Variants in AJAP1 observed in about 807,000 individuals in gnomAD.
The protein encoded by AJAP1 is adherens junctions associated protein 1.
AJAP1 carries 5 observed loss-of-function variants against 35.0 expected under a neutral mutation model. The ratio of observed to expected loss-of-function variants is 0.14; its 90% CI spans 0.07 to 0.30. AJAP1 has a LOEUF of 0.30. Among genes scored for constraint, AJAP1 ranks in the 10% least tolerant of loss-of-function variants. The pLI is 1.00. For synonymous variants in AJAP1, 284 were observed against 249.3 expected (o/e 1.14, Z -1.31); for missense variants, 586 against 571.0 (o/e 1.03, Z -0.27).
intron 1 of AJAP1, among the ~76,000 whole-genome samples, chr1:4,698,987 T>G (rs1313121377): frequency 6.6e-6 from 1 of 152,178 alleles, no homozygotes; most frequent in African/African-American, 2.4e-5. Context: ...CCGGTGCACC[T>G]GCAGCTGTGT....
intron 2 of AJAP1, among the ~76,000 whole-genome samples, chr1:4,725,439 AG>A (rs1226963631): frequency 2.0e-5 from 3 of 152,050 alleles, no homozygotes; most frequent in African/African-American, 7.2e-5. Context: ...GTGCCTGGCG[AG>A]GGCTTGCTTG....
chr1:4,665,329 C>A (rs1639093024), intron 1 of AJAP1, among the ~76,000 whole-genome samples: 2 of 152,166 alleles, frequency 1.3e-5, no homozygotes, highest in South Asian at 4.1e-4. Flanking sequence ...GATGCTGTGG[C>A]ATTACACTGT....
rs1415552780 is a variant in AJAP1, at chr1:4,774,412, T to G, written c.1164-15T>G. ...AGTACCAGCACGCCAAAGCCCATTT[T>G]TCTGTTCACCGCAGACCCTCCTCTT... is the stretch of plus-strand genomic sequence containing the variant. On this transcript the variant is annotated splice_polypyrimidine_tract_variant and intron_variant, in intron 4 of 5. Transcript: ENST00000378191. The G allele has an allele frequency of 6.2e-7, 1 of 1,614,008 alleles. No individual in the cohort carries two copies. Among genetic ancestry groups the G allele is most frequent in the South Asian group, 1.1e-5 (1 of 91,080 alleles).
chr1:4,752,700 A>C (rs1362865373), intron 2 of AJAP1, among the ~76,000 whole-genome samples: 3 of 152,148 alleles, frequency 2.0e-5, no homozygotes, highest in Non-Finnish European at 4.4e-5. Flanking sequence ...CTCTTCTGCC[A>C]CAAAGAAACA....
At position 4,712,622 on chromosome 1, in the gene AJAP1, G is replaced by C. The variant is rs1469705485; in HGVS notation, c.752G>C (p.Ser251Thr). The change falls in exon 2 of 6, where the codon AGC (serine) becomes ACC (threonine). Residue 251 changes from serine (S) to threonine (T), a missense_variant. Physicochemically the swap from Ser to Thr is moderately conservative, Grantham distance 58. Coordinates refer to ENST00000378191, the MANE Select transcript of AJAP1 (RefSeq NM_018836.4). Reference protein sequence around the residue: ...DPRRRIPGGVSTTEPSTSPSN... With the variant: ...DPRRRIPGGVTTTEPSTSPSN... Reference sequence around the variant, plus strand: ...CGGAGAAGGATCCCAGGTGGGGTTAGCACAACGGAGCCTTCCACCAGTCCC... The same window carrying C: ...CGGAGAAGGATCCCAGGTGGGGTTACCACAACGGAGCCTTCCACCAGTCCC... The C allele has an allele frequency of 1.3e-6, 2 of 1,578,056 alleles. No homozygotes were observed. Among genetic ancestry groups the C allele is most frequent in the Admixed American group, 1.8e-5 (1 of 56,576 alleles).
chr1:4,730,624 G>A (rs1467185213), intron 2 of AJAP1, among the ~76,000 whole-genome samples: 3 of 152,152 alleles, frequency 2.0e-5, no homozygotes, highest in African/African-American at 7.2e-5. Context: ...CAAAGGCATT[G>A]TCCACCCCCA....
chr1:4,738,184 C>A (rs1037543817), intron 2 of AJAP1, among the ~76,000 whole-genome samples: 8 of 152,240 alleles, frequency 5.3e-5, no homozygotes, highest in Non-Finnish European at 1.2e-4. Flanking sequence ...AGCCCCCAGC[C>A]ACATGGCAGG....
chr1:4,760,453 T>C (rs1271816877), intron 2 of AJAP1, among the ~76,000 whole-genome samples: 1 of 152,102 alleles, frequency 6.6e-6, no homozygotes, highest in East Asian at 1.9e-4. Context: ...CACTGAATGC[T>C]CTCTCTGAGG....
At chr1:4,713,349 G>T (rs1640312250) in intron 2 of AJAP1, among the ~76,000 whole-genome samples, 1 of 152,238 alleles carries the variant, frequency 6.6e-6, no homozygotes, top group African/African-American at 2.4e-5. Context: ...GAGGGTGTTT[G>T]GAGGACGGAG....
At chr1:4,689,309 C>T (rs753973272) in intron 1 of AJAP1, among the ~76,000 whole-genome samples, 5 of 152,330 alleles carry the variant, frequency 3.3e-5, no homozygotes, top group East Asian at 3.9e-4. Context: ...AAGGGTTGCC[C>T]GATTAACAAC....
rs115389634 is a variant in AJAP1 at position 4,759,087 on chromosome 1, C to T, written c.830-10766C>T. On this transcript the variant is annotated intron_variant, in intron 2 of 5. Transcript: ENST00000378191. ...TGACTGTTTCTGTCTGCAGCCACTG[C>T]AGGTAAGGAGCCTTCTTTTTGGCCT... 7.5e-3 allele frequency among the ~76,000 whole-genome samples: 1,135 copies of T among 152,310 alleles called. 19 individuals carry two copies. The highest frequency in any genetic ancestry group is 0.026 in the African/African-American group (1,082 of 41,564).
At chr1:4,742,564 C>T (rs1165498727) in intron 2 of AJAP1, among the ~76,000 whole-genome samples, 1 of 152,056 alleles carries the variant, frequency 6.6e-6, no homozygotes, top group Non-Finnish European at 1.5e-5. Context: ...TGGGGAAGGT[C>T]TAAGGGTGTC....
intron 2 of AJAP1, among the ~76,000 whole-genome samples, chr1:4,714,138 A>G (rs1047622538): frequency 6.6e-6 from 1 of 152,012 alleles, no homozygotes; most frequent in Admixed American, 6.5e-5. Flanking sequence ...TTCCCTAGAG[A>G]GCAATGTCTC....
At chr1:4,661,234 G>T (rs1179298699) in intron 1 of AJAP1, among the ~76,000 whole-genome samples, 1 of 152,228 alleles carries the variant, frequency 6.6e-6, no homozygotes, top group African/African-American at 2.4e-5. Context: ...ACCTACACCT[G>T]ATACTCTTTC....
chr1:4,693,513 C>G lies in AJAP1; in HGVS notation c.30-18387C>G, dbSNP rs1338539335. On this transcript the variant is annotated intron_variant, in intron 1 of 5. Coordinates refer to ENST00000378191, the MANE Select transcript of AJAP1 (RefSeq NM_018836.4). This position sits in a 1 kb window ranked among gnomAD's most constrained non-coding sequence, Gnocchi z 4.4. ...AGCTGGCTGCAGAATGGCCCTTCCT[C>G]CCCACGTGGGGCTGACAGCCTGTGT... Among the ~76,000 whole-genome samples the G allele has an allele frequency of 1.3e-5, 2 of 152,102 alleles. No homozygotes were observed. The highest frequency in any genetic ancestry group is 1.3e-4 in the Admixed American group (2 of 15,280).
intron 1 of AJAP1, among the ~76,000 whole-genome samples, chr1:4,687,137 A>G (rs1051223768): frequency 6.6e-6 from 1 of 151,898 alleles, no homozygotes; most frequent in African/African-American, 2.4e-5. Context: ...CCTCCTCTTT[A>G]CAGAATCCAT....
Position 4,783,988 on chromosome 1 carries a change from G to C in AJAP1, c.*1503G>C, listed in dbSNP as rs1283173662. On this transcript the variant is annotated 3_prime_UTR_variant, in exon 6 of 6. Coordinates refer to ENST00000378191, the MANE Select transcript of AJAP1 (RefSeq NM_018836.4). ...GGCCCGCTTTTTCTAGGGCCCAAGGGTGACTTGGAATCTTGGGGGAAGCCT... is the reference window on the plus strand; with the variant it reads ...GGCCCGCTTTTTCTAGGGCCCAAGGCTGACTTGGAATCTTGGGGGAAGCCT... 1 of 152,178 alleles carries C rather than the reference G, an allele frequency of 6.6e-6. No homozygotes were observed. The highest frequency in any genetic ancestry group is 1.5e-5 in the Non-Finnish European group (1 of 68,042). The allele number at this position is 152,178 out of a possible 1,614,324, so 9.4% of individuals were successfully genotyped here.
At chr1:4,777,479 C>G (rs1037974908) in intron 5 of AJAP1, 9 of 152,232 alleles carry the variant, frequency 5.9e-5, no homozygotes, top group Admixed American at 6.5e-5. Context: ...CCAACACGTT[C>G]TGGCCTCAGA....
At chr1:4,755,812 C>T (rs1039891406) in intron 2 of AJAP1, among the ~76,000 whole-genome samples, 5 of 143,568 alleles carry the variant, frequency 3.5e-5, no homozygotes, top group Non-Finnish European at 6.1e-5. Flanking sequence ...AGGGGTAGGG[C>T]GGGGTGGTGG....
Sources: allele counts gnomAD v4.1 joint callset (sites outside exome capture counted in the v4.1 genomes callset), GRCh38; gene constraint gnomAD v4.1.1; non-coding constraint Gnocchi (gnomAD v3.1); transcripts MANE v1.5; gene names NCBI Gene and HGNC (gene_info 2026-07-23, HGNC 2026-07-21).